Variants in ARK2C observed in about 807,000 individuals in gnomAD.
ARK2C encodes the protein E3 ubiquitin-protein ligase ARK2C.
chr18:46,367,586 A>G, the ARK2C span, among the ~76,000 whole-genome samples: 1 of 152,176 alleles, frequency 6.6e-6, no homozygotes, highest in East Asian at 1.9e-4. Context: ...AGGCTGTCTC[A>G]GTGAAGAGGT....
the ARK2C span, among the ~76,000 whole-genome samples, chr18:46,354,187 A>C: frequency 6.6e-6 from 1 of 152,238 alleles, no homozygotes; most frequent in South Asian, 2.1e-4. Flanking sequence ...AGGGAAGGGC[A>C]TGTATGTTAG....
At chr18:46,350,037 C>T in the ARK2C span, among the ~76,000 whole-genome samples, 3 of 152,212 alleles carry the variant, frequency 2.0e-5, no homozygotes, top group Admixed American at 6.5e-5. Context: ...CCAATACATG[C>T]ACAGACTCAT....
chr18:46,347,774 G>A, the ARK2C span, among the ~76,000 whole-genome samples: 3 of 152,130 alleles, frequency 2.0e-5, no homozygotes, highest in Non-Finnish European at 4.4e-5. Context: ...TAAAAGGAAG[G>A]GGGAAACTGA....
the ARK2C span, among the ~76,000 whole-genome samples, chr18:46,428,431 A>G: frequency 6.6e-6 from 1 of 151,842 alleles, no homozygotes; most frequent in South Asian, 2.1e-4. Flanking sequence ...AAACAAAAAC[A>G]AAAACAAACA....
At chr18:46,376,773 C>A in the ARK2C span, among the ~76,000 whole-genome samples, 43 of 140,850 alleles carry the variant, frequency 3.1e-4, no homozygotes, top group Admixed American at 3.1e-4. Flanking sequence ...CAGGTTCAAG[C>A]GATTCTCTTG....
the ARK2C span, among the ~76,000 whole-genome samples, chr18:46,374,461 G>C: frequency 6.6e-6 from 1 of 152,132 alleles, no homozygotes; most frequent in African/African-American, 2.4e-5. Context: ...TCCACTTTCT[G>C]TCTCTGTGAA....
At chr18:46,439,298 C>T in the ARK2C span, among the ~76,000 whole-genome samples, 1 of 152,144 alleles carries the variant, frequency 6.6e-6, no homozygotes, top group African/African-American at 2.4e-5. Flanking sequence ...CAAACCCAGG[C>T]CATGTGGGAT....
At chr18:46,344,967 C>T in the ARK2C span, among the ~76,000 whole-genome samples, 20 of 152,248 alleles carry the variant, frequency 1.3e-4, no homozygotes, top group Middle Eastern at 6.8e-3. Context: ...TCCCTCAGGA[C>T]GGAGGGGGAC....
At chr18:46,436,009 C>T in the ARK2C span, among the ~76,000 whole-genome samples, 2 of 152,190 alleles carry the variant, frequency 1.3e-5, no homozygotes, top group African/African-American at 4.8e-5. Flanking sequence ...CCCATAATTT[C>T]CCTCACTCAG....
chr18:46,443,242 T>C, the ARK2C span, among the ~76,000 whole-genome samples: 1 of 152,208 alleles, frequency 6.6e-6, no homozygotes, highest in Non-Finnish European at 1.5e-5. Flanking sequence ...TTTGTGTCTG[T>C]TTTTTGCCTT....
the ARK2C span, among the ~76,000 whole-genome samples, chr18:46,345,759 T>C: frequency 6.6e-6 from 1 of 152,202 alleles, no homozygotes; most frequent in African/African-American, 2.4e-5. Flanking sequence ...TGAATGCAAA[T>C]ACAGAATTTG....
the ARK2C span, among the ~76,000 whole-genome samples, chr18:46,345,809 C>T: frequency 3.3e-5 from 5 of 152,270 alleles, no homozygotes; most frequent in Admixed American, 1.3e-4. Context: ...GGCTGTGCCC[C>T]GACTCCCGGG....
chr18:46,336,723 A>G, the ARK2C span: 2 of 985,428 alleles, frequency 2.0e-6, no homozygotes, highest in South Asian at 4.7e-5. Flanking sequence ...AGTACATTGC[A>G]CTGTAAATCC....
At chr18:46,445,043 G>A in the ARK2C span, among the ~76,000 whole-genome samples, 8 of 151,556 alleles carry the variant, frequency 5.3e-5, no homozygotes, top group Non-Finnish European at 1.0e-4. Flanking sequence ...TCCATGGATC[G>A]ATTTTTCACC....
chr18:46,442,917 C>G, the ARK2C span, among the ~76,000 whole-genome samples: 1 of 152,150 alleles, frequency 6.6e-6, no homozygotes, highest in African/African-American at 2.4e-5. Flanking sequence ...GGTAATATCC[C>G]TTGGTTCAAA....
At chr18:46,435,327 T>G in the ARK2C span, 1 of 1,614,100 alleles carries the variant, frequency 6.2e-7, no homozygotes, top group Non-Finnish European at 8.5e-7. Flanking sequence ...CCCCACCGCC[T>G]CCATCCCAGC....
At chr18:46,417,999 T>TA in the ARK2C span, among the ~76,000 whole-genome samples, 1,155 of 145,928 alleles carry the variant, frequency 7.9e-3, 16 homozygotes, top group African/African-American at 0.027. Context: ...GCAAGACTCT[T>TA]AAAAAAAAAA....
chr18:46,447,533 C>T, the ARK2C span: 1 of 1,613,782 alleles, frequency 6.2e-7, no homozygotes, highest in East Asian at 2.2e-5. Flanking sequence ...TCACACCACC[C>T]TATGGTTCAC....
chr18:46,453,415 C>T, the ARK2C span, among the ~76,000 whole-genome samples: 1 of 152,080 alleles, frequency 6.6e-6, no homozygotes, highest in African/African-American at 2.4e-5. Flanking sequence ...GTCACTTCAA[C>T]AGGCACGAGG....
Sources: gnomAD v4.1 joint callset for allele counts (sites outside exome capture counted in the v4.1 genomes callset) on GRCh38, gnomAD v4.1.1 for gene constraint, MANE v1.5 for transcripts, NCBI Gene and HGNC (gene_info 2026-07-23, HGNC 2026-07-21) for gene names.